SMARCD3: variants seen among roughly 807,000 people sequenced by gnomAD.
SMARCD3 encodes SWI/SNF-related matrix-associated actin-dependent regulator of chromatin subfamily D member 3.
A neutral mutation model predicts 58.0 loss-of-function variants in SMARCD3; 14 were observed. The ratio of observed to expected loss-of-function variants is 0.24; its 90% CI spans 0.16 to 0.38. The LOEUF is 0.38. SMARCD3 is among the 10% of genes least tolerant of loss of function. SMARCD3 has a pLI of 1.00. For synonymous variants in SMARCD3, 253 were observed against 253.8 expected, an observed-to-expected ratio of 1.00 and a Z score of 0.03; for missense variants, 408 against 636.9, an observed-to-expected ratio of 0.64 and a Z score of 3.87.
At chr7:151,250,503 G>A (rs1241749978), upstream of SMARCD3, among the ~76,000 whole-genome samples, 9 of 151,706 alleles carry the variant, frequency 5.9e-5, no homozygotes, top group Admixed American at 3.9e-4. Context: ...CCCTGCCCCC[G>A]ATTCTTTTAC....
rs916986901 is a variant in SMARCD3 at position 151,238,827 on chromosome 7, T to C, written c.*276A>G. ...TTAAACATGTCTTCTGCCAAACTGTTTTTAGGTCTAGGGAAAATTGAGTAA... is the reference window on the plus strand; with the variant it reads ...TTAAACATGTCTTCTGCCAAACTGTCTTTAGGTCTAGGGAAAATTGAGTAA... On this transcript the variant is annotated 3_prime_UTR_variant, in exon 13 of 13. Transcript: ENST00000262188. 2.0e-6 allele frequency: 3 copies of C among 1,525,138 alleles called. No individual in the cohort carries two copies. Among genetic ancestry groups the C allele is most frequent in the Non-Finnish European group, 2.6e-6 (3 of 1,136,116 alleles). 94.5% of individuals were successfully genotyped at this position (1,525,138 alleles called of 1,614,324 possible).
At chr7:151,250,747 G>A (rs1470162071), upstream of SMARCD3, among the ~76,000 whole-genome samples, 2 of 152,194 alleles carry the variant, frequency 1.3e-5, no homozygotes, top group East Asian at 1.9e-4. Flanking sequence ...CTTTCCCAGA[G>A]AGGCTAAGGT....
intron 2 of SMARCD3, among the ~76,000 whole-genome samples, chr7:151,254,023 A>G (rs1270148067): frequency 6.6e-6 from 1 of 152,194 alleles, no homozygotes; most frequent in Non-Finnish European, 1.5e-5. Flanking sequence ...CCCAGGGCAA[A>G]CACAAGGGGA....
In SMARCD3 at chr7:151,246,712, G is replaced by A. The variant is rs1450553194; in HGVS notation, c.79-1041C>T. Among the ~76,000 whole-genome samples, 1 of 152,130 alleles carries A rather than the reference G, an allele frequency of 6.6e-6. No homozygotes were observed. The highest frequency in any genetic ancestry group is 1.5e-5 in the Non-Finnish European group (1 of 68,002). On this transcript the variant is annotated intron_variant, in intron 1 of 12. Coordinates refer to ENST00000262188, the MANE Select transcript of SMARCD3 (RefSeq NM_001003801.2). This position sits in a 1 kb window ranked among gnomAD's most constrained non-coding sequence, Gnocchi z 4.4. ...CACTACCCCTGGGTGGTCAGATGGG[G>A]TGTAAATGAGATGCAAATGCATCGA...
chr7:151,274,261 T>A (rs1299177644), intron 2 of SMARCD3, among the ~76,000 whole-genome samples: 2 of 152,166 alleles, frequency 1.3e-5, no homozygotes, highest in Non-Finnish European at 2.9e-5. Context: ...GCCAGCGTGA[T>A]GATGGGTGGG....
At chr7:151,266,902 G>A (rs1804098549) in intron 2 of SMARCD3, among the ~76,000 whole-genome samples, 2 of 152,148 alleles carry the variant, frequency 1.3e-5, no homozygotes, top group African/African-American at 2.4e-5. Flanking sequence ...TTGTAGAAAT[G>A]GGGTGTTGCT....
chr7:151,263,170 G>A (rs1484079635), intron 2 of SMARCD3, among the ~76,000 whole-genome samples: 1 of 152,180 alleles, frequency 6.6e-6, no homozygotes, highest in African/African-American at 2.4e-5. Flanking sequence ...CAGGTAGCCT[G>A]TGTCTAGACT....
Position 151,260,622 on chromosome 7 carries a change from C to T in SMARCD3, c.39+14492G>A, listed in dbSNP as rs74505890. Among the ~76,000 whole-genome samples the T allele has an allele frequency of 4.6e-3, 701 of 152,264 alleles. 6 individuals are homozygous for T. Among genetic ancestry groups the T allele is most frequent in the African/African-American group, 0.016 (672 of 41,558 alleles). On this transcript the variant is annotated intron_variant, in intron 2 of 13. Transcript: ENST00000356800. ...CTGAATCCCATGGTGACACGCCACC[C>T]CGCCCCCTACCTGGACCTCAGTCGG...
upstream of SMARCD3, among the ~76,000 whole-genome samples, chr7:151,251,598 C>T (rs1378774791): frequency 6.6e-6 from 1 of 152,140 alleles, no homozygotes; most frequent in Non-Finnish European, 1.5e-5. Context: ...CTCGGTGTGC[C>T]ACGCCGCCGA....
chr7:151,268,245 A>G (rs1205786027), intron 2 of SMARCD3, among the ~76,000 whole-genome samples: 3 of 152,216 alleles, frequency 2.0e-5, no homozygotes, highest in Admixed American at 6.5e-5. Flanking sequence ...TCAAAGCCAG[A>G]TTTCCAGAAT....
chr7:151,258,457 T>C (rs1251600990), intron 2 of SMARCD3, among the ~76,000 whole-genome samples: 2 of 150,060 alleles, frequency 1.3e-5, no homozygotes, highest in South Asian at 2.1e-4. Context: ...CCCAGCTACT[T>C]GGGAGGCTGA....
At chr7:151,258,290 G>A (rs950540490) in intron 2 of SMARCD3, among the ~76,000 whole-genome samples, 2 of 152,060 alleles carry the variant, frequency 1.3e-5, no homozygotes, top group African/African-American at 2.4e-5. Context: ...AGGGCCGGGC[G>A]CAGTGGCTCA....
chr7:151,241,962 G>A lies in SMARCD3; in HGVS notation c.692C>T (p.Thr231Met), dbSNP rs1396854026. The A allele has an allele frequency of 1.4e-5, 22 of 1,611,944 alleles. No homozygotes were observed. The highest frequency in any genetic ancestry group is 1.7e-5 in the Non-Finnish European group (20 of 1,179,068). ...NHLVEWHRTP[T>M]TQETDGFQVK... is the part of the protein sequence containing the mutation. Reference sequence around the variant, plus strand: ...CTGGAAGCCGTCCGTCTCCTGGGTCGTGGGTGTCCGATGCCACTGTCCAGG... The same window carrying A: ...CTGGAAGCCGTCCGTCTCCTGGGTCATGGGTGTCCGATGCCACTGTCCAGG... Residue 231 changes from threonine to methionine, a missense_variant, in exon 7 of 13, where the codon ACG becomes ATG. Thr to Met is a moderately conservative substitution (Grantham distance 81). Coordinates refer to ENST00000262188, the MANE Select transcript of SMARCD3 (RefSeq NM_001003801.2). The surrounding 1 kb of genome is among the most constrained non-coding windows in gnomAD (Gnocchi z 5.3).
At chr7:151,253,286 G>A (rs1480662757), upstream of SMARCD3, among the ~76,000 whole-genome samples, 3 of 152,012 alleles carry the variant, frequency 2.0e-5, no homozygotes, top group Admixed American at 6.6e-5. Flanking sequence ...TCAGGGACGC[G>A]GCCCTCCCAC....
At chr7:151,258,932 C>G (rs1803804012) in intron 2 of SMARCD3, among the ~76,000 whole-genome samples, 1 of 152,024 alleles carries the variant, frequency 6.6e-6, no homozygotes. Flanking sequence ...AAACTGCAAG[C>G]CCTCTCCCTC....
At chr7:151,262,442 T>C (rs1803947999) in intron 2 of SMARCD3, among the ~76,000 whole-genome samples, 1 of 152,148 alleles carries the variant, frequency 6.6e-6, no homozygotes. Flanking sequence ...AAGCTGAGGT[T>C]TGGGAACTGC....
chr7:151,241,757 C>T lies in SMARCD3; in HGVS notation c.778-104G>A, dbSNP rs754829459. The T allele has an allele frequency of 1.4e-6, 2 of 1,385,522 alleles. No individual in the cohort carries two copies. Among genetic ancestry groups the T allele is most frequent in the Non-Finnish European group, 2.0e-6 (2 of 992,194 alleles). 85.8% of individuals were successfully genotyped at this position (1,385,522 alleles called of 1,614,324 possible). ...GGGATGTGTTGATTGAGGAAACATG[C>T]CCCTGGGGAAGGATAGGTTTGGGAG... is the stretch of plus-strand genomic sequence containing the variant. On this transcript the variant is annotated intron_variant, in intron 7 of 12. Transcript: ENST00000262188. This position sits in a 1 kb window ranked among gnomAD's most constrained non-coding sequence, Gnocchi z 5.3.
chr7:151,272,608 A>C (rs1416980463), intron 2 of SMARCD3, among the ~76,000 whole-genome samples: 2 of 152,150 alleles, frequency 1.3e-5, no homozygotes, highest in African/African-American at 4.8e-5. Flanking sequence ...ACGTTCTCAA[A>C]TCCCTGGAAG....
chr7:151,260,421 G>T (rs1286300434), intron 2 of SMARCD3, among the ~76,000 whole-genome samples: 1 of 152,110 alleles, frequency 6.6e-6, no homozygotes, highest in Non-Finnish European at 1.5e-5. Flanking sequence ...CTACTACCAA[G>T]GTGTCTGAAA....
Sources: gnomAD v4.1 joint callset for allele counts (sites outside exome capture counted in the v4.1 genomes callset) on GRCh38, gnomAD v4.1.1 for gene constraint, Gnocchi (gnomAD v3.1) non-coding constraint, MANE v1.5 for transcripts, NCBI Gene and HGNC (gene_info 2026-07-23, HGNC 2026-07-21) for gene names.